Variants in SH3KBP1 observed in about 807,000 individuals in gnomAD.
The protein encoded by SH3KBP1 is SH3 domain-containing kinase-binding protein 1.
Under a neutral mutation model 50.1 loss-of-function variants are expected in SH3KBP1, and 8 were observed. That is an observed-to-expected ratio of 0.16 (90% CI 0.09 to 0.29). The LOEUF (loss-of-function observed/expected upper bound fraction) is 0.29. SH3KBP1 is among the 10% of genes least tolerant of loss of function. The probability of loss-of-function intolerance (pLI) is 1.00; values close to 1 mark genes in which losing one functional copy is unlikely to be tolerated. For missense variants in SH3KBP1, 377 were observed against 535.2 expected (o/e 0.70, Z 2.92); for synonymous variants, 227 against 218.6 (o/e 1.04, Z -0.34).
chrX:19,767,179 G>A lies in SH3KBP1; in HGVS notation c.163-20738C>T, dbSNP rs191137729. ...AGAGACAGGTGTGGCTAAGGGTACT[G>A]GTAAGAACAGAAGCTAAGGCCATTC... On this transcript the variant is annotated intron_variant, in intron 2 of 17. Coordinates refer to ENST00000397821, the MANE Select transcript of SH3KBP1 (RefSeq NM_031892.3). Among the ~76,000 whole-genome samples the A allele has an allele frequency of 1.6e-3, 179 of 112,121 alleles. 1 individual carries two copies. The highest frequency in any genetic ancestry group is 4.6e-3 in the Middle Eastern group (1 of 216).
At chrX:19,792,714 C>T (rs1285578167) in intron 2 of SH3KBP1, among the ~76,000 whole-genome samples, 9 of 96,527 alleles carry the variant, frequency 9.3e-5, no homozygotes, top group African/African-American at 3.6e-4. Flanking sequence ...TGTGCCCCAG[C>T]AAGGGACATT....
At position 19,872,724 on chromosome X, in the gene SH3KBP1, C is replaced by T. The variant is rs199773729; in HGVS notation, c.4+14583G>A. Among the ~76,000 whole-genome samples the T allele has an allele frequency of 8.4e-4, 91 of 108,485 alleles. 1 individual carries two copies. In the East Asian group the frequency reaches 0.021, roughly 25 times the overall value. The allele number at this position is 108,485 out of a possible 115,157, so 94.2% of individuals were successfully genotyped here. A position where few individuals can be genotyped will look rare whatever the true frequency, so the allele number is the denominator to read the frequency against. On this transcript the variant is annotated intron_variant, in intron 1 of 17. Coordinates refer to ENST00000397821, the MANE Select transcript of SH3KBP1 (RefSeq NM_031892.3). ...CCGGGAGGCGGAGCTTGCAGTGAGC[C>T]GAGATCGCACCACTGCACTCCAGCC...
intron 12 of SH3KBP1, chrX:19,588,403 C>G (rs755822793): frequency 1.8e-5 from 20 of 1,121,420 alleles, no homozygotes; most frequent in Non-Finnish European, 2.2e-5. Flanking sequence ...ATGCTGGGTA[C>G]CCAGTCCTCA....
chrX:19,643,300 A>ATTTTTTTTTTTTTTT lies in SH3KBP1; in HGVS notation c.802+2099_802+2100insAAAAAAAAAAAAAAA, dbSNP rs201544483. ...AGTGTGTGTGGGCTGAAACTGAAGA[A>ATTTTTTTTTTTTTTT]TTTTTTATTTTTTTTTTTTTTATTT... On this transcript the variant is annotated intron_variant, in intron 7 of 17. Transcript: ENST00000397821. Among the ~76,000 whole-genome samples, 10 of 86,891 alleles carry ATTTTTTTTTTTTTTT rather than the reference A, an allele frequency of 1.2e-4. 2 individuals are homozygous for ATTTTTTTTTTTTTTT. The highest frequency in any genetic ancestry group is 5.2e-4 in the African/African-American group (9 of 17,422). 75.5% of individuals were successfully genotyped at this position (86,891 alleles called of 115,157 possible).
chrX:19,840,695 A>AT (rs1475654700), intron 1 of SH3KBP1, among the ~76,000 whole-genome samples: 1 of 112,524 alleles, frequency 8.9e-6, no homozygotes, highest in Admixed American at 9.4e-5. Context: ...ATTACCTATG[A>AT]TTTTTTTAAA....
rs148066573 is a variant in SH3KBP1 at position 19,553,072 on chromosome X, T to C, written c.1385-2989A>G. On this transcript the variant is annotated intron_variant, in intron 13 of 17. Transcript: ENST00000397821. ...AAATGGTGGCCAAAGGCTCGAATGATTGGTGACAGGTCAGACACACTGCAG... is the reference window on the plus strand; with the variant it reads ...AAATGGTGGCCAAAGGCTCGAATGACTGGTGACAGGTCAGACACACTGCAG... Among the ~76,000 whole-genome samples the C allele has an allele frequency of 3.8e-3, 422 of 111,105 alleles. 10 individuals are homozygous for C. In the Admixed American group the frequency reaches 0.038, roughly 10 times the overall value.
chrX:19,821,677 C>T (rs1308713432), intron 2 of SH3KBP1, among the ~76,000 whole-genome samples: 2 of 110,263 alleles, frequency 1.8e-5, no homozygotes, highest in Non-Finnish European at 3.8e-5. Context: ...TACAGGCGGC[C>T]GCCACTATGC....
At chrX:19,857,159 T>A (rs2068669878) in intron 1 of SH3KBP1, among the ~76,000 whole-genome samples, 1 of 108,276 alleles carries the variant, frequency 9.2e-6, no homozygotes, top group Admixed American at 1.0e-4. Flanking sequence ...GCTGGGGTGC[T>A]CTAATCAATT....
chrX:19,799,655 A>T, intron 2 of SH3KBP1: 1 of 1,210,443 alleles, frequency 8.3e-7, no homozygotes, highest in Non-Finnish European at 1.1e-6. Context: ...AGTCTGCGGC[A>T]CTTGGGGCTT....
intron 1 of SH3KBP1, among the ~76,000 whole-genome samples, chrX:19,838,452 T>C (rs1266689705): frequency 8.9e-6 from 1 of 112,351 alleles, no homozygotes; most frequent in African/African-American, 3.2e-5. Flanking sequence ...TGCCCTGCAG[T>C]TCTCTGGTGC....
At chrX:19,544,347 C>T (rs940975766) in intron 15 of SH3KBP1, among the ~76,000 whole-genome samples, 2 of 110,353 alleles carry the variant, frequency 1.8e-5, no homozygotes, top group Admixed American at 9.7e-5. Context: ...GAGCAACGAT[C>T]GGTTGGCACA....
At chrX:19,775,235 G>C (rs948646765) in intron 2 of SH3KBP1, among the ~76,000 whole-genome samples, 9 of 111,486 alleles carry the variant, frequency 8.1e-5, no homozygotes, top group African/African-American at 2.9e-4. Flanking sequence ...GCCTCACTGA[G>C]GTAAAGTACC....
At chrX:19,824,799 C>T (rs2067629126) in intron 2 of SH3KBP1, among the ~76,000 whole-genome samples, 1 of 111,512 alleles carries the variant, frequency 9.0e-6, no homozygotes, top group Admixed American at 9.6e-5. Flanking sequence ...ACAAGACCGC[C>T]CCCCTCCACC....
At chrX:19,725,292 TAA>T (rs5901663) in intron 3 of SH3KBP1, among the ~76,000 whole-genome samples, 25 of 73,334 alleles carry the variant, frequency 3.4e-4, no homozygotes, top group Admixed American at 4.7e-4. Context: ...GTCTCTACTC[TAA>T]AAAAAAAAAA....
chrX:19,722,562 GCGCAC>G (rs1232867342), intron 3 of SH3KBP1, among the ~76,000 whole-genome samples: 8 of 96,078 alleles, frequency 8.3e-5, no homozygotes, highest in African/African-American at 3.2e-4. Flanking sequence ...GTGTGCGCGT[GCGCAC>G]TGGTGTGTGT....
chrX:19,553,515 T>C (rs2065301701), intron 13 of SH3KBP1, among the ~76,000 whole-genome samples: 1 of 110,569 alleles, frequency 9.0e-6, no homozygotes, highest in Non-Finnish European at 1.9e-5. Context: ...GGTTCCTCTG[T>C]CAATAAAGGA....
chrX:19,619,127 T>C (rs2067721873), intron 8 of SH3KBP1, among the ~76,000 whole-genome samples: 1 of 110,704 alleles, frequency 9.0e-6, no homozygotes, highest in African/African-American at 3.3e-5. Context: ...AATACAAAAA[T>C]TATCTGGATG....
rs960905963 is a variant in SH3KBP1 at position 19,588,689 on chromosome X, G to T, written c.1252C>A (p.Pro418Thr). 3.3e-6 allele frequency: 4 copies of T among 1,209,444 alleles called. No homozygotes were observed. In the East Asian group the frequency reaches 8.9e-5, roughly 27 times the overall value. Residue 418 changes from proline (P) to threonine (T), a missense_variant, in exon 12 of 18, where the codon CCC becomes ACC. Transcript: ENST00000397821. ...TNSLSRPGAL[P>T]PRRPERPVGP... The stretch of plus-strand genomic sequence containing the variant: ...ACCGGTCTCTCCGGCCTTCTCGGGG[G>T]CAGTGCGCCAGGTCTGCTGAGAGAA...
At position 19,631,868 on chromosome X, in the gene SH3KBP1, T is replaced by C; in HGVS notation, c.893A>G (p.Asn298Ser). Residue 298 changes from asparagine to serine, a missense_variant, in exon 8 of 18, where the codon AAT (asparagine) becomes AGT (serine). Physicochemically the swap from Asn to Ser is conservative, Grantham distance 46. Coordinates refer to ENST00000397821, the MANE Select transcript of SH3KBP1 (RefSeq NM_031892.3). ...IKEGDIVTLI[N>S]KDCIDVGWWE... The stretch of plus-strand genomic sequence containing the variant: ...TAGGAGACAACCTTTGTTTACCTTA[T>C]TGATGAGAGTGACTATATCTCCTTC... 8.5e-7 allele frequency: 1 copy of C among 1,173,765 alleles called. No homozygotes were observed. The highest frequency in any genetic ancestry group is 1.2e-6 in the Non-Finnish European group (1 of 862,745).
Sources: allele counts gnomAD v4.1 joint callset (sites outside exome capture counted in the v4.1 genomes callset), GRCh38; gene constraint gnomAD v4.1.1; transcripts MANE v1.5; gene names NCBI Gene and HGNC (gene_info 2026-07-23, HGNC 2026-07-21).